AVEN: variants seen among roughly 807,000 people sequenced by gnomAD.
AVEN encodes the protein apoptosis and caspase activation inhibitor.
In AVEN, 41 loss-of-function variants were observed where a neutral mutation model predicts 38.1. The ratio of observed to expected loss-of-function variants is 1.08; its 90% CI spans 0.84 to 1.40. AVEN has a LOEUF of 1.40. Among genes scored for constraint, AVEN ranks in the 40% most tolerant of loss-of-function variants. The pLI is 0.00. For synonymous variants in AVEN, 206 were observed against 171.8 expected, an observed-to-expected ratio of 1.20 and a Z score of -1.56; for missense variants, 605 against 438.8, an observed-to-expected ratio of 1.38 and a Z score of -3.38.
At chr15:34,012,613 TA>T (rs1252400288) in intron 1 of AVEN, among the ~76,000 whole-genome samples, 7 of 152,216 alleles carry the variant, frequency 4.6e-5, no homozygotes, top group Admixed American at 4.6e-4. Context: ...TCTACCAGCG[TA>T]AGTCTGGTTT....
intron 2 of AVEN, among the ~76,000 whole-genome samples, chr15:33,932,596 G>A (rs1489559116): frequency 6.6e-6 from 1 of 152,198 alleles, no homozygotes; most frequent in Non-Finnish European, 1.5e-5. Context: ...GAAGGCTGAG[G>A]TGGAGGGATC....
intron 2 of AVEN, among the ~76,000 whole-genome samples, chr15:33,890,676 C>A (rs1479163650): frequency 6.6e-6 from 1 of 152,172 alleles, no homozygotes; most frequent in Non-Finnish European, 1.5e-5. Flanking sequence ...TTAGAATTTT[C>A]TTAAACCACT....
At chr15:34,017,180 C>G (rs781301857) in intron 1 of AVEN, among the ~76,000 whole-genome samples, 3 of 152,032 alleles carry the variant, frequency 2.0e-5, no homozygotes, top group Non-Finnish European at 4.4e-5. Context: ...TACAATGAAT[C>G]CAACCACCCG....
intron 2 of AVEN, among the ~76,000 whole-genome samples, chr15:33,975,819 A>T (rs1405876390): frequency 1.4e-4 from 22 of 152,252 alleles, no homozygotes; most frequent in Admixed American, 1.3e-3. Flanking sequence ...AGTCCCAGCT[A>T]CTCGGGAGGC....
At position 34,038,902 on chromosome 15, in the gene AVEN, C is replaced by T; in HGVS notation, c.145G>A (p.Gly49Arg). 1.8e-6 allele frequency: 2 copies of T among 1,125,618 alleles called. No individual in the cohort carries two copies. Among genetic ancestry groups the T allele is most frequent in the Non-Finnish European group, 2.2e-6 (2 of 924,900 alleles). The allele number at this position is 1,125,618 out of a possible 1,614,324, so 69.7% of individuals were successfully genotyped here. A position where few individuals can be genotyped will look rare whatever the true frequency, so the allele number is the denominator to read the frequency against. Reference sequence around the variant, plus strand: ...CGGCCACGGCCACGGCCCCGGCGTCCGCCTCCGTCCCCGCCGCCGCCTCCG... The same window carrying T: ...CGGCCACGGCCACGGCCCCGGCGTCTGCCTCCGTCCCCGCCGCCGCCTCCG... ...GGGGGGGDGG[G>R]RRGRGRGRGF... The change falls in exon 1 of 6, where the codon GGA (glycine) becomes AGA (arginine). Residue 49 changes from glycine to arginine, a missense_variant. Coordinates refer to ENST00000306730, the MANE Select transcript of AVEN (RefSeq NM_020371.3).
At position 33,983,142 on chromosome 15, in the gene AVEN, G is replaced by GTA. The variant is rs1555512726; in HGVS notation, c.445+19889_445+19890insTA. On this transcript the variant is annotated intron_variant, in intron 2 of 5. Transcript: ENST00000306730. ...ATGTCCATACTCTGTGTGTGTGTGT[G>GTA]TGTGTGTGTGTGTGTGTATGTGTGT... is the stretch of plus-strand genomic sequence containing the variant. 1.7e-3 allele frequency among the ~76,000 whole-genome samples: 199 copies of GTA among 115,626 alleles called. 2 individuals are homozygous for GTA. Among genetic ancestry groups the GTA allele is most frequent in the African/African-American group, 8.0e-3 (173 of 21,694 alleles). The allele number at this position is 115,626 out of a possible 152,430, so 75.9% of individuals were successfully genotyped here.
chr15:33,873,770 T>C (rs116124383), intron 3 of AVEN, among the ~76,000 whole-genome samples: 2,907 of 152,082 alleles, frequency 0.019, 99 homozygotes, highest in African/African-American at 0.066. Flanking sequence ...TTCTTTCTGC[T>C]CTTATTTTTT....
intron 1 of AVEN, among the ~76,000 whole-genome samples, chr15:34,006,872 G>A (rs893492689): frequency 6.6e-6 from 1 of 152,176 alleles, no homozygotes; most frequent in Non-Finnish European, 1.5e-5. Context: ...TAGGTTCATT[G>A]TGCAAAGATG....
intron 1 of AVEN, chr15:34,018,250 A>C (rs1326563330): frequency 1.3e-5 from 2 of 152,202 alleles, no homozygotes. Context: ...GTGGAGGTGG[A>C]AGACAGTGAT....
intron 2 of AVEN, among the ~76,000 whole-genome samples, chr15:34,070,103 T>G (rs1900596534): frequency 6.6e-6 from 1 of 152,140 alleles, no homozygotes; most frequent in African/African-American, 2.4e-5. Context: ...AAGTCACCTC[T>G]TCACAGGGCA....
chr15:33,921,887 G>C (rs114685923), intron 2 of AVEN, among the ~76,000 whole-genome samples: 1 of 152,126 alleles, frequency 6.6e-6, no homozygotes, highest in East Asian at 1.9e-4. Flanking sequence ...GGGAAAAAAT[G>C]GTTAGCAGCA....
In AVEN at chr15:33,867,732, A is replaced by C; in HGVS notation, c.736T>G (p.Ser246Ala). The change falls in exon 5 of 6, where the codon TCT becomes GCT. Residue 246 changes from serine (S) to alanine (A), a missense_variant. Transcript: ENST00000306730. ...AACACAGGGCAGCCAGCAGCCACAG[A>C]TTTCAGCTCAAAGATGGGCCCCCTT... The part of the protein sequence containing the change: ...GGRGPIFELK[S>A]VAAGCPVLLG... The C allele has an allele frequency of 6.2e-7, 1 of 1,614,116 alleles. No individual in the cohort carries two copies. Among genetic ancestry groups the C allele is most frequent in the East Asian group, 2.2e-5 (1 of 44,874 alleles).
chr15:33,944,355 C>G (rs555060864), intron 2 of AVEN, among the ~76,000 whole-genome samples: 1 of 152,204 alleles, frequency 6.6e-6, no homozygotes, highest in East Asian at 1.9e-4. Flanking sequence ...GCAACTATAA[C>G]GTGTCCAGTG....
At chr15:33,913,136 G>C (rs567048820) in intron 2 of AVEN, among the ~76,000 whole-genome samples, 1 of 152,086 alleles carries the variant, frequency 6.6e-6, no homozygotes, top group East Asian at 1.9e-4. Context: ...TGATTCACCC[G>C]CCTCGGCCTC....
intron 2 of AVEN, among the ~76,000 whole-genome samples, chr15:33,933,719 G>A (rs1055041150): frequency 4.5e-4 from 68 of 152,320 alleles, no homozygotes; most frequent in African/African-American, 1.5e-3. Flanking sequence ...AGCACTTTGG[G>A]AGGATGAGGC....
chr15:34,037,673 A>G (rs1315690540), intron 1 of AVEN, among the ~76,000 whole-genome samples: 2 of 151,648 alleles, frequency 1.3e-5, no homozygotes, highest in Non-Finnish European at 2.9e-5. Context: ...TGACCCTAAA[A>G]ATGTTTTTAT....
intron 1 of AVEN, among the ~76,000 whole-genome samples, chr15:34,024,535 A>C (rs1023106633): frequency 3.3e-5 from 5 of 151,528 alleles, no homozygotes; most frequent in Admixed American, 2.0e-4. Context: ...GAAAACTATC[A>C]AATTAAAACT....
At chr15:34,044,777 G>A (rs549801197) in intron 5 of AVEN, among the ~76,000 whole-genome samples, 33 of 152,290 alleles carry the variant, frequency 2.2e-4, no homozygotes, top group African/African-American at 6.3e-4. Context: ...TTGGCTGGGC[G>A]CGGTGGCTCA....
intron 2 of AVEN, among the ~76,000 whole-genome samples, chr15:33,907,692 A>G (rs1892758620): frequency 6.6e-6 from 1 of 152,128 alleles, no homozygotes; most frequent in Admixed American, 6.6e-5. Flanking sequence ...TAAGAATCAG[A>G]GAACAGAGGT....
Sources: allele counts gnomAD v4.1 joint callset (sites outside exome capture counted in the v4.1 genomes callset), GRCh38; gene constraint gnomAD v4.1.1; transcripts MANE v1.5; gene names NCBI Gene and HGNC (gene_info 2026-07-23, HGNC 2026-07-21).